The following LRRC4C variants were observed in gnomAD, a reference collection of about 807,000 sequenced individuals.
The protein encoded by LRRC4C is leucine rich repeat containing 4C.
A neutral mutation model predicts 33.6 loss-of-function variants in LRRC4C; 5 were observed. The observed-to-expected ratio is 0.15, with a 90% CI of 0.08 to 0.31. LRRC4C has a LOEUF of 0.31. LRRC4C is among the 10% of genes least tolerant of loss of function. The pLI is 1.00. For synonymous variants in LRRC4C, 329 were observed against 302.0 expected (o/e 1.09, Z -0.93); for missense variants, 560 against 796.7 (o/e 0.70, Z 3.58).
chr11:41,304,177 G>T (rs1302258336), intron 1 of LRRC4C, among the ~76,000 whole-genome samples: 906 of 55,220 alleles, frequency 0.016, no homozygotes, highest in East Asian at 0.045. Flanking sequence ...GAGGTGGGGG[G>T]GTCAGCCCCC....
intron 4 of LRRC4C, chr11:40,292,542 C>A (rs1049293932): frequency 1.3e-5 from 2 of 150,938 alleles, no homozygotes; most frequent in African/African-American, 4.9e-5. Flanking sequence ...AAGCCCCAAA[C>A]TTTTCATTCC....
At chr11:40,667,183 A>G (rs1036696538) in intron 2 of LRRC4C, among the ~76,000 whole-genome samples, 2 of 152,248 alleles carry the variant, frequency 1.3e-5, no homozygotes, top group African/African-American at 4.8e-5. Flanking sequence ...TTACACAAGT[A>G]ACTTTACCTA....
chr11:40,534,348 T>A (rs901880790), intron 3 of LRRC4C, among the ~76,000 whole-genome samples: 4 of 152,176 alleles, frequency 2.6e-5, no homozygotes, highest in African/African-American at 9.7e-5. Flanking sequence ...TATATATACA[T>A]AGTACTTAAA....
At chr11:41,343,755 T>C (rs11036363) in intron 1 of LRRC4C, among the ~76,000 whole-genome samples, 13,443 of 152,256 alleles carry the variant, frequency 0.088, 656 homozygotes, top group Middle Eastern at 0.14. Flanking sequence ...GTAATGAATT[T>C]TGGTGTTTTT....
chr11:41,240,269 G>A (rs11036308), intron 1 of LRRC4C, among the ~76,000 whole-genome samples: 9,395 of 152,210 alleles, frequency 0.062, 304 homozygotes, highest in African/African-American at 0.078. Context: ...GCTATCCACA[G>A]ACATTACCGC....
chr11:40,958,104 A>T (rs890801781), intron 1 of LRRC4C, among the ~76,000 whole-genome samples: 2 of 151,646 alleles, frequency 1.3e-5, no homozygotes, highest in African/African-American at 4.8e-5. Flanking sequence ...TGAACCAAGA[A>T]GCAGGCCCTC....
chr11:40,562,905 G>T (rs1479206955), intron 3 of LRRC4C, among the ~76,000 whole-genome samples: 2 of 151,318 alleles, frequency 1.3e-5, no homozygotes, highest in Non-Finnish European at 2.9e-5. Context: ...TCTGTGTGGG[G>T]CTCTTTCTAC....
At chr11:40,349,511 T>C (rs1443475824) in intron 3 of LRRC4C, among the ~76,000 whole-genome samples, 1 of 152,154 alleles carries the variant, frequency 6.6e-6, no homozygotes, top group East Asian at 1.9e-4. Context: ...TTGGCTATTG[T>C]GGATAGTGCT....
chr11:41,202,848 T>C (rs1304331589), intron 1 of LRRC4C, among the ~76,000 whole-genome samples: 1 of 151,810 alleles, frequency 6.6e-6, no homozygotes, highest in Non-Finnish European at 1.5e-5. Flanking sequence ...TGCAGTGGCA[T>C]GATCTCAGCT....
Position 40,314,882 on chromosome 11 carries a change from G to T in LRRC4C, c.-176+4746C>A, listed in dbSNP as rs1945499674. 2.0e-5 allele frequency among the ~76,000 whole-genome samples: 3 copies of T among 151,996 alleles called. No individual in the cohort carries two copies. The South Asian group carries it at 6.2e-4, about 31-fold the overall frequency. Reference sequence around the variant, plus strand: ...CATAATAGTAAAAAGTAGAACAGAAGATAGTAGAGTCTGGGAAGTGTAGGG... The same window carrying T: ...CATAATAGTAAAAAGTAGAACAGAATATAGTAGAGTCTGGGAAGTGTAGGG... On this transcript the variant is annotated intron_variant, in intron 4 of 6. Transcript: ENST00000528697.
chr11:40,398,298 ATTTCC>A (rs920399085), intron 3 of LRRC4C, among the ~76,000 whole-genome samples: 6 of 152,030 alleles, frequency 3.9e-5, no homozygotes, highest in Non-Finnish European at 8.8e-5. Flanking sequence ...TAAATTTACT[ATTTCC>A]TTATATTCAT....
chr11:40,996,590 G>A (rs191315973), intron 1 of LRRC4C, among the ~76,000 whole-genome samples: 93 of 152,220 alleles, frequency 6.1e-4, no homozygotes, highest in Non-Finnish European at 1.1e-3. Flanking sequence ...GTCATTTTAT[G>A]TTGCTATAAA....
At chr11:40,579,414 T>C (rs188615026) in intron 3 of LRRC4C, among the ~76,000 whole-genome samples, 366 of 152,260 alleles carry the variant, frequency 2.4e-3, no homozygotes, top group South Asian at 6.0e-3. Flanking sequence ...TGTTTAGAAC[T>C]TAAATAACAG....
chr11:40,527,247 T>C (rs1450366329), intron 3 of LRRC4C, among the ~76,000 whole-genome samples: 1 of 151,824 alleles, frequency 6.6e-6, no homozygotes, highest in African/African-American at 2.4e-5. Flanking sequence ...TATTCACCTA[T>C]GTTTGTGCAC....
At chr11:41,335,361 C>G (rs1411204119) in intron 1 of LRRC4C, among the ~76,000 whole-genome samples, 1 of 152,084 alleles carries the variant, frequency 6.6e-6, no homozygotes, top group Non-Finnish European at 1.5e-5. Context: ...ACTTTCATTC[C>G]TTCCTACCAA....
chr11:41,457,501 C>T (rs1027710567), intron 1 of LRRC4C, among the ~76,000 whole-genome samples: 10 of 152,082 alleles, frequency 6.6e-5, no homozygotes, highest in African/African-American at 1.2e-4. Context: ...ACAGAAACTT[C>T]GTGTTTCTTA....
chr11:41,123,261 G>GTATTTTTTTTT (rs1942545349), intron 1 of LRRC4C, among the ~76,000 whole-genome samples: 1 of 48,086 alleles, frequency 2.1e-5, no homozygotes, highest in African/African-American at 5.8e-5. Flanking sequence ...GCTATGTTTT[G>GTATTTTTTTTT]TTTTTTTTTT....
chr11:40,906,953 T>C (rs1304254130), intron 2 of LRRC4C, among the ~76,000 whole-genome samples: 3 of 152,146 alleles, frequency 2.0e-5, no homozygotes, highest in Non-Finnish European at 2.9e-5. Context: ...ACAGACTAAA[T>C]AGAGTTACAT....
At chr11:40,817,720 T>A (rs965024312) in intron 2 of LRRC4C, among the ~76,000 whole-genome samples, 6 of 152,134 alleles carry the variant, frequency 3.9e-5, no homozygotes, top group Non-Finnish European at 8.8e-5. Flanking sequence ...AAAAGTTAAG[T>A]TTAACTCATC....
Sources: allele counts gnomAD v4.1 joint callset (sites outside exome capture counted in the v4.1 genomes callset), GRCh38; gene constraint gnomAD v4.1.1; transcripts MANE v1.5; gene names NCBI Gene and HGNC (gene_info 2026-07-23, HGNC 2026-07-21).